PLA2G3: variants seen among roughly 807,000 people sequenced by gnomAD.
PLA2G3 encodes group 3 secretory phospholipase A2.
A neutral mutation model predicts 51.3 loss-of-function variants in PLA2G3; 39 were observed. That is an observed-to-expected ratio of 0.76 (90% CI 0.59 to 0.99). The LOEUF is 0.99. Ranked by LOEUF, PLA2G3 falls within the 50% of genes least tolerant of loss-of-function variation. The probability of loss-of-function intolerance (pLI) is 0.00; values close to 1 mark genes in which losing one functional copy is unlikely to be tolerated. For synonymous variants in PLA2G3, 293 were observed against 263.1 expected, an observed-to-expected ratio of 1.11 and a Z score of -1.10; for missense variants, 677 against 662.1, an observed-to-expected ratio of 1.02 and a Z score of -0.25.
chr22:31,138,300 C>G lies in PLA2G3; in HGVS notation c.758G>C (p.Cys253Ser), dbSNP rs763075326. 1.2e-6 allele frequency: 2 copies of G among 1,613,740 alleles called. No homozygotes were observed. The highest frequency in any genetic ancestry group is 1.1e-5 in the South Asian group (1 of 91,080). ...CCCGCCCCACCAGTACCACGCCACACACGCCTCCTGCTCCTCCAGCACAAA... is the reference window on the plus strand; with the variant it reads ...CCCGCCCCACCAGTACCACGCCACAGACGCCTCCTGCTCCTCCAGCACAAA... ...PCFVLEEQEACVAWYWWGGCR... is the reference protein window; with the variant it reads ...PCFVLEEQEASVAWYWWGGCR... The change falls in exon 3 of 7, where the codon TGT (cysteine) becomes TCT (serine). Residue 253 changes from cysteine to serine, a missense_variant. Transcript: ENST00000215885.
Position 31,135,649 on chromosome 22 carries a change from A to C in PLA2G3, c.*74T>G. 9.1e-7 allele frequency: 1 copy of C among 1,101,508 alleles called. No homozygotes were observed. The highest frequency in any genetic ancestry group is 1.4e-6 in the Non-Finnish European group (1 of 724,910). The allele number at this position is 1,101,508 out of a possible 1,614,324, so 68.2% of individuals were successfully genotyped here. Reference sequence around the variant, plus strand: ...TGCTTCAGTCTAACCTACGGAGGGGAGGCTGAGATTCCCAAGGCTTGGCAT... The same window carrying C: ...TGCTTCAGTCTAACCTACGGAGGGGCGGCTGAGATTCCCAAGGCTTGGCAT... On this transcript the variant is annotated 3_prime_UTR_variant, in exon 7 of 7. Coordinates refer to ENST00000215885, the MANE Select transcript of PLA2G3 (RefSeq NM_015715.5).
Position 31,135,836 on chromosome 22 carries a change from G to A in PLA2G3, c.1417C>T (p.Gln473Ter). Residue 473 changes from glutamine to a stop codon, truncating the protein, a stop_gained, in exon 7 of 7, where the codon CAG becomes TAG. Coordinates refer to ENST00000215885, the MANE Select transcript of PLA2G3 (RefSeq NM_015715.5). LOFTEE classifies it low-confidence loss of function (END_TRUNC). ...QLQDKGTDER[Q>*]PWPSEPLRGP... ...CTCAGGGGCTCTGAAGGCCATGGCT[G>A]CCTCTCATCTGTGCCTTTATCCTGG... is the stretch of plus-strand genomic sequence containing the variant. The A allele has an allele frequency of 6.2e-7, 1 of 1,613,976 alleles. No homozygotes were observed. Among genetic ancestry groups the A allele is most frequent in the Non-Finnish European group, 8.5e-7 (1 of 1,180,018 alleles).
intron 4 of PLA2G3, 107 bp from the exon 5 acceptor site, chr22:31,137,147 C>G (rs892939416): frequency 7.8e-5 from 89 of 1,137,476 alleles, no homozygotes; most frequent in Non-Finnish European, 1.1e-4. Context: ...GTCACACACA[C>G]AGATTCCCTC....
chr22:31,136,445 G>C (rs1465132325), intron 6 of PLA2G3, among the ~76,000 whole-genome samples: 1 of 152,192 alleles, frequency 6.6e-6, no homozygotes, highest in Non-Finnish European at 1.5e-5. Context: ...AACTTGGAAA[G>C]GTGAACCAGT....
intron 3 of PLA2G3, 23 bp downstream of exon 3, chr22:31,138,253 G>C (rs773691292): frequency 6.2e-7 from 1 of 1,611,540 alleles, no homozygotes; most frequent in South Asian, 1.1e-5. Flanking sequence ...TCTGGAAAGG[G>C]ACATGAGGGG....
chr22:31,137,177 C>CT, intron 4 of PLA2G3, 137 bp from the exon 5 acceptor site: 1 of 956,496 alleles, frequency 1.0e-6, no homozygotes, highest in Non-Finnish European at 1.5e-6. Context: ...CCTTCTGAGT[C>CT]TTTGTGCCCT....
rs1182582588 is a variant in PLA2G3 at position 31,135,678 on chromosome 22, C to T, written c.*45G>A. On this transcript the variant is annotated 3_prime_UTR_variant, in exon 7 of 7. Transcript: ENST00000215885. ...TGAGATTCCCAAGGCTTGGCATAGCCATGGGCAAGGTCCAGGCTGGTGCCC... is the reference window on the plus strand; with the variant it reads ...TGAGATTCCCAAGGCTTGGCATAGCTATGGGCAAGGTCCAGGCTGGTGCCC... 1 of 1,465,014 alleles carries T rather than the reference C, an allele frequency of 6.8e-7. No homozygotes were observed. The highest frequency in any genetic ancestry group is 1.1e-5 in the South Asian group (1 of 87,564). 90.8% of individuals were successfully genotyped at this position (1,465,014 alleles called of 1,614,324 possible).
Position 31,137,980 on chromosome 22 carries a change from C to G in PLA2G3, c.796G>C (p.Gly266Arg). Reference sequence around the variant, plus strand: ...TGCAGGCGAGCGAGGGGCACTGTGCCGTACATCCTACACCTGGGTGGTGGC... The same window carrying G: ...TGCAGGCGAGCGAGGGGCACTGTGCGGTACATCCTACACCTGGGTGGTGGC... Reference protein sequence around the residue: ...WYWWGGCRMYGTVPLARLQPR... With the variant: ...WYWWGGCRMYRTVPLARLQPR... The change falls in exon 4 of 7, where the codon GGC becomes CGC. Residue 266 changes from glycine (G) to arginine (R), a missense_variant. By Grantham distance (125) the Gly-to-Arg change is moderately radical. Transcript: ENST00000215885. The G allele has an allele frequency of 1.3e-6, 2 of 1,567,064 alleles. No individual in the cohort carries two copies. Among genetic ancestry groups the G allele is most frequent in the Admixed American group, 1.9e-5 (1 of 52,616 alleles).
At chr22:31,137,132 G>T in intron 4 of PLA2G3, 92 bp from the exon 5 acceptor site, 2 of 1,239,624 alleles carry the variant, frequency 1.6e-6, no homozygotes, top group Non-Finnish European at 2.2e-6. Flanking sequence ...CAGCACGTGT[G>T]CTCAGTCACA....
In PLA2G3 at chr22:31,135,817, G is replaced by A. The variant is rs1220060776; in HGVS notation, c.1436C>T (p.Pro479Leu). The change falls in exon 7 of 7, where the codon CCC becomes CTC. Residue 479 changes from proline (P) to leucine (L), a missense_variant. Pro to Leu is a moderately conservative substitution (Grantham distance 98). Transcript: ENST00000215885. ...TDERQPWPSE[P>L]LRGPMSFYNQ... Reference sequence around the variant, plus strand: ...GTAGAATGACATGGGGCCTCTCAGGGGCTCTGAAGGCCATGGCTGCCTCTC... The same window carrying A: ...GTAGAATGACATGGGGCCTCTCAGGAGCTCTGAAGGCCATGGCTGCCTCTC... The A allele has an allele frequency of 6.2e-7, 1 of 1,613,854 alleles. No individual in the cohort carries two copies.
At position 31,135,750 on chromosome 22, in the gene PLA2G3, G is replaced by A; in HGVS notation, c.1503C>T (p.Asp501=). Residue 501 remains aspartate, a synonymous_variant, in exon 7 of 7, where the codon GAC becomes GAT. Transcript: ENST00000215885. ...ACTGGCTCCAGGACTTCTGCTGCCT[G>A]TCGGGTCTCCTGGCTGCCTGGGTTA... ...LQLTQAARRP[D]RQQKSWSQ 1 of 1,613,796 alleles carries A rather than the reference G, an allele frequency of 6.2e-7. No individual in the cohort carries two copies.
Position 31,136,950 on chromosome 22 carries a change from T to C in PLA2G3, c.1157A>G (p.Asn386Ser), listed in dbSNP as rs1274793240. 2.5e-6 allele frequency: 4 copies of C among 1,600,200 alleles called. No individual in the cohort carries two copies. The highest frequency in any genetic ancestry group is 1.8e-5 in the Admixed American group (1 of 56,840). Reference sequence around the variant, plus strand: ...GTGGAAGAGGGGCTCTTGGGCGCTGTTGAGCAGCTGGAACTCGATTTCCCG... The same window carrying C: ...GTGGAAGAGGGGCTCTTGGGCGCTGCTGAGCAGCTGGAACTCGATTTCCCG... ...GPREIEFQLL[N>S]SAQEPLFHCN... Residue 386 changes from asparagine (N) to serine (S), a missense_variant, in exon 5 of 7, where the codon AAC becomes AGC. Coordinates refer to ENST00000215885, the MANE Select transcript of PLA2G3 (RefSeq NM_015715.5).
intron 2 of PLA2G3, 126 bp downstream of exon 2, chr22:31,138,541 A>G (rs1350311893): frequency 2.7e-6 from 4 of 1,496,420 alleles, no homozygotes; most frequent in Non-Finnish European, 3.7e-6. Context: ...CAGCTTTCCT[A>G]CCTGCACTGT....
chr22:31,137,230 G>A (rs1412867537), intron 4 of PLA2G3, among the ~76,000 whole-genome samples, 190 bp from the exon 5 acceptor site: 4 of 152,174 alleles, frequency 2.6e-5, no homozygotes, highest in African/African-American at 4.8e-5. Flanking sequence ...CCCCCAAGCC[G>A]CCAAACACGG....
intron 1 of PLA2G3, among the ~76,000 whole-genome samples, 191 bp from the exon 2 acceptor site, chr22:31,138,990 G>A (rs1922749692): frequency 6.6e-6 from 1 of 152,168 alleles, no homozygotes. Flanking sequence ...CTGGAAAAGA[G>A]AAGCCAAGCT....
chr22:31,140,055 G>T lies in PLA2G3; in HGVS notation c.300C>A (p.Pro100=), dbSNP rs146541997. 1 of 1,613,526 alleles carries T rather than the reference G, an allele frequency of 6.2e-7. No homozygotes were observed. The highest frequency in any genetic ancestry group is 8.5e-7 in the Non-Finnish European group (1 of 1,179,992). Residue 100 remains proline, a synonymous_variant, in exon 1 of 7, where the codon CCC becomes CCA. Coordinates refer to ENST00000215885, the MANE Select transcript of PLA2G3 (RefSeq NM_015715.5). ...CCAGTGCTCTCTGCAGCTCGGGTCC[G>T]GGGGTGTGGATGAAGGAGCCCCAGG... The part of the protein sequence containing the change: ...ETAWGSFIHT[P]GPELQRALAT...
chr22:31,135,502 G>A lies in PLA2G3; in HGVS notation c.*221C>T. On this transcript the variant is annotated 3_prime_UTR_variant, in exon 7 of 7. Coordinates refer to ENST00000215885, the MANE Select transcript of PLA2G3 (RefSeq NM_015715.5). Reference sequence around the variant, plus strand: ...TGAGCTTCCTGAACACCACATCCAGGCATAGAAGAGTTGTGTCATACATAG... The same window carrying A: ...TGAGCTTCCTGAACACCACATCCAGACATAGAAGAGTTGTGTCATACATAG... 1 of 576,196 alleles carries A rather than the reference G, an allele frequency of 1.7e-6. No individual in the cohort carries two copies. The allele number at this position is 576,196 out of a possible 1,614,324, so 35.7% of individuals were successfully genotyped here.
Position 31,139,845 on chromosome 22 carries a change from C to G in PLA2G3, c.510G>C (p.Glu170Asp). The change falls in exon 1 of 7, where the codon GAG becomes GAC. Residue 170 changes from glutamate to aspartate, a missense_variant. Coordinates refer to ENST00000215885, the MANE Select transcript of PLA2G3 (RefSeq NM_015715.5). ...GVGDSAGNSS[E>D]LGVFQGPDLC... ...CACACACCCCTCATGGCTCACCCAG[C>G]TCCGAGGAGTTCCCAGCAGAATCTC... 1 of 1,612,292 alleles carries G rather than the reference C, an allele frequency of 6.2e-7. No individual in the cohort carries two copies. Among genetic ancestry groups the G allele is most frequent in the Non-Finnish European group, 8.5e-7 (1 of 1,178,942 alleles).
In PLA2G3 at chr22:31,139,844, GCT is replaced by G. The variant is rs1922788805; in HGVS notation, c.509_510del (p.Glu170AlafsTer8). Reference sequence around the variant, plus strand: ...CCACACACCCCTCATGGCTCACCCAGCTCCGAGGAGTTCCCAGCAGAATCTCC... The same window carrying G: ...CCACACACCCCTCATGGCTCACCCAGCCGAGGAGTTCCCAGCAGAATCTCC... Reference protein sequence around the residue: ...GVGDSAGNSSELGVFQGPDLC... With the variant: ...GVGDSAGNSSXLGVFQGPDLC... On this transcript the variant is annotated frameshift_variant, in exon 1 of 7. Transcript: ENST00000215885. LOFTEE classifies it high-confidence loss of function. The G allele has an allele frequency of 1.9e-6, 3 of 1,611,562 alleles. No individual in the cohort carries two copies. The highest frequency in any genetic ancestry group is 2.5e-6 in the Non-Finnish European group (3 of 1,178,556).
Sources: gnomAD v4.1 joint callset for allele counts (sites outside exome capture counted in the v4.1 genomes callset) on GRCh38, gnomAD v4.1.1 for gene constraint, MANE v1.5 for transcripts, NCBI Gene and HGNC (gene_info 2026-07-23, HGNC 2026-07-21) for gene names.